Variants in ABCB4 observed in about 807,000 individuals in gnomAD.
ABCB4 encodes ATP binding cassette subfamily B member 4.
ABCB4 carries 76 observed loss-of-function variants against 145.7 expected under a neutral mutation model. The ratio of observed to expected loss-of-function variants is 0.52; its 90% CI spans 0.43 to 0.63. The LOEUF (loss-of-function observed/expected upper bound fraction) is 0.63. ABCB4 is among the 30% of genes least tolerant of loss of function. The probability of loss-of-function intolerance (pLI) is 0.00; values close to 1 mark genes in which losing one functional copy is unlikely to be tolerated. For missense variants in ABCB4, 1,234 were observed against 1,553.1 expected (o/e 0.79, Z 3.45); for synonymous variants, 517 against 566.8 (o/e 0.91, Z 1.25).
rs1584808451 is a variant in ABCB4 at position 87,475,651 on chromosome 7, T to C, written c.-24A>G. Reference sequence around the variant, plus strand: ...TCTCTCACCTCGAACCTCGCGCGTGTCTGGCAGGGCCTCTGGACGCGCGGG... The same window carrying C: ...TCTCTCACCTCGAACCTCGCGCGTGCCTGGCAGGGCCTCTGGACGCGCGGG... On this transcript the variant is annotated 5_prime_UTR_variant, in exon 1 of 28. Transcript: ENST00000649586. The C allele has an allele frequency of 4.6e-6, 3 of 652,086 alleles. No homozygotes were observed. The East Asian group carries it at 8.3e-5, about 18-fold the overall frequency. 40.4% of individuals were successfully genotyped at this position (652,086 alleles called of 1,614,324 possible).
At chr7:87,381,152 G>A in the ABCB4 span, among the ~76,000 whole-genome samples, 3 of 152,102 alleles carry the variant, frequency 2.0e-5, no homozygotes, top group Non-Finnish European at 4.4e-5. Flanking sequence ...TCCCAAGCTC[G>A]CAGTGTCACG....
At chr7:87,381,949 T>C in the ABCB4 span, 1 of 1,611,184 alleles carries the variant, frequency 6.2e-7, no homozygotes, top group African/African-American at 1.3e-5. Context: ...GAACATCAGT[T>C]ATTATGTGGA....
the ABCB4 span, among the ~76,000 whole-genome samples, chr7:87,386,419 T>A: frequency 6.6e-6 from 1 of 152,184 alleles, no homozygotes. Context: ...ATTTATCCAT[T>A]CCTTCTAGGT....
chr7:87,386,637 A>T, the ABCB4 span, among the ~76,000 whole-genome samples: 1 of 152,194 alleles, frequency 6.6e-6, no homozygotes, highest in Admixed American at 6.5e-5. Flanking sequence ...CAGATTGCTT[A>T]CTGTTGTGGA....
At chr7:87,388,231 A>G in the ABCB4 span, among the ~76,000 whole-genome samples, 3 of 152,132 alleles carry the variant, frequency 2.0e-5, no homozygotes, top group Admixed American at 6.6e-5. Flanking sequence ...TGCTATCTCC[A>G]TCAAGCTACT....
the ABCB4 span, chr7:87,392,851 C>T: frequency 6.2e-7 from 1 of 1,608,674 alleles, no homozygotes; most frequent in Non-Finnish European, 8.5e-7. Context: ...TTTACAGCTT[C>T]ATCAATTGGC....
intron 8 of ABCB4, 107 bp downstream of exon 8, chr7:87,449,861 A>T (rs1379093844): frequency 6.4e-7 from 1 of 1,552,136 alleles, no homozygotes; most frequent in African/African-American, 1.4e-5. Flanking sequence ...TTTATGCGAG[A>T]AGGGTTAATA....
At chr7:87,457,013 G>A (rs1246667241) in intron 4 of ABCB4, among the ~76,000 whole-genome samples, 1 of 152,036 alleles carries the variant, frequency 6.6e-6, no homozygotes, top group Non-Finnish European at 1.5e-5. Flanking sequence ...GGTACTTAAC[G>A]CTGTCTGTGC....
At position 87,411,846 on chromosome 7, in the gene ABCB4, C is replaced by T. The variant is rs537754815; in HGVS notation, c.2924+47G>A. ...TACTCTAAACTTTTGCATAAACCTACTAAAACCTTATTATAGAATAATCTT... is the reference window on the plus strand; with the variant it reads ...TACTCTAAACTTTTGCATAAACCTATTAAAACCTTATTATAGAATAATCTT... On this transcript the variant is annotated intron_variant, in intron 23 of 27. Transcript: ENST00000649586. The T allele has an allele frequency of 1.1e-5, 17 of 1,589,682 alleles. 1 individual carries two copies. The Admixed American group carries it at 2.7e-4, about 25-fold the overall frequency.
chr7:87,381,032 G>A, the ABCB4 span, among the ~76,000 whole-genome samples: 3 of 152,110 alleles, frequency 2.0e-5, no homozygotes, highest in Admixed American at 6.5e-5. Context: ...TATAGGCTCC[G>A]CTGGGCCATG....
chr7:87,434,673 G>A (rs1299524877), intron 14 of ABCB4, among the ~76,000 whole-genome samples: 3 of 152,164 alleles, frequency 2.0e-5, no homozygotes, highest in African/African-American at 7.2e-5. Context: ...GCCTGAACCC[G>A]GGAAGCGGAG....
intron 26 of ABCB4, among the ~76,000 whole-genome samples, chr7:87,404,588 G>A (rs1808043850): frequency 6.6e-6 from 1 of 151,970 alleles, no homozygotes; most frequent in African/African-American, 2.4e-5. Flanking sequence ...CTACAGACTG[G>A]GAGAAAACAT....
In ABCB4 at chr7:87,451,708, A is replaced by G; in HGVS notation, c.623T>C (p.Val208Ala). The G allele has an allele frequency of 6.2e-7, 1 of 1,614,192 alleles. No homozygotes were observed. Among genetic ancestry groups the G allele is most frequent in the Non-Finnish European group, 8.5e-7 (1 of 1,180,030 alleles). ...GAGCTTCCATCCTCTGATGAATCCC[A>G]CTATGAATCCTGCAAAAAACGTGGC... is the stretch of plus-strand genomic sequence containing the variant. The part of the protein sequence containing the change: ...AVATFFAGFI[V>A]GFIRGWKLTL... The change falls in exon 7 of 28, where the codon GTG (valine) becomes GCG (alanine). Residue 208 changes from valine to alanine, a missense_variant. Coordinates refer to ENST00000649586, the MANE Select transcript of ABCB4 (RefSeq NM_000443.4).
intron 17 of ABCB4, among the ~76,000 whole-genome samples, chr7:87,422,713 C>T (rs1165375842): frequency 2.6e-5 from 4 of 152,190 alleles, no homozygotes; most frequent in African/African-American, 7.2e-5. Flanking sequence ...CATCAGGCTT[C>T]CACCCAGAGG....
intron 7 of ABCB4, among the ~76,000 whole-genome samples, chr7:87,451,032 A>T (rs1346444386): frequency 6.6e-6 from 1 of 152,230 alleles, no homozygotes; most frequent in Non-Finnish European, 1.5e-5. Flanking sequence ...AATAGAACAA[A>T]TACAAACTCT....
At chr7:87,383,949 C>G in the ABCB4 span, among the ~76,000 whole-genome samples, 1 of 152,044 alleles carries the variant, frequency 6.6e-6, no homozygotes, top group Non-Finnish European at 1.5e-5. Flanking sequence ...GTGGGATCAT[C>G]AGATTGTAGG....
At chr7:87,413,041 G>A (rs1174955248) in intron 22 of ABCB4, among the ~76,000 whole-genome samples, 2 of 152,214 alleles carry the variant, frequency 1.3e-5, no homozygotes, top group East Asian at 1.9e-4. Flanking sequence ...TCTAAGTTGT[G>A]TTCAACTTTG....
the ABCB4 span, among the ~76,000 whole-genome samples, chr7:87,365,936 CT>C: frequency 1.3e-5 from 2 of 151,918 alleles, no homozygotes; most frequent in South Asian, 2.1e-4. Context: ...TACCTACCCC[CT>C]AGGAGACCAT....
chr7:87,462,247 G>T (rs892665952), intron 4 of ABCB4, among the ~76,000 whole-genome samples: 17 of 152,114 alleles, frequency 1.1e-4, no homozygotes, highest in Non-Finnish European at 1.9e-4. Context: ...TCACTCTTTA[G>T]TGAAATGCCA....
Sources: allele counts gnomAD v4.1 joint callset (sites outside exome capture counted in the v4.1 genomes callset), GRCh38; gene constraint gnomAD v4.1.1; transcripts MANE v1.5; gene names NCBI Gene and HGNC (gene_info 2026-07-23, HGNC 2026-07-21).